ENPP3: variants seen among roughly 807,000 people sequenced by gnomAD.
ENPP3 encodes ectonucleotide pyrophosphatase/phosphodiesterase family member 3.
A neutral mutation model predicts 117.8 loss-of-function variants in ENPP3; 104 were observed. That is an observed-to-expected ratio of 0.88 (90% CI 0.75 to 1.04). The LOEUF (loss-of-function observed/expected upper bound fraction) is 1.04. Ranked by LOEUF, ENPP3 falls within the 50% of genes least tolerant of loss-of-function variation. ENPP3 has a pLI of 0.00. For synonymous variants in ENPP3, 380 were observed against 349.9 expected, an observed-to-expected ratio of 1.09 and a Z score of -0.96; for missense variants, 1,026 against 1,051.9, an observed-to-expected ratio of 0.98 and a Z score of 0.34.
intron 18 of ENPP3, 74 bp downstream of exon 18, chr6:131,722,479 G>T (rs1780057837): frequency 8.2e-7 from 1 of 1,221,866 alleles, no homozygotes; most frequent in African/African-American, 1.5e-5. Context: ...CTGACAACTG[G>T]GGTAGCAACA....
chr6:131,652,908 C>T lies in ENPP3; in HGVS notation c.464+17C>T. ...CCCAGAAGGGTGAGCATGACTGATA[C>T]AGGGATTTTTATCCTCCTTTAACAA... On this transcript the variant is annotated intron_variant, in intron 5 of 24. Transcript: ENST00000357639. The T allele has an allele frequency of 1.9e-6, 3 of 1,578,094 alleles. No individual in the cohort carries two copies. In the South Asian group the frequency reaches 3.3e-5, roughly 18 times the overall value.
intron 5 of ENPP3, among the ~76,000 whole-genome samples, chr6:131,655,920 G>A (rs932072995): frequency 1.3e-5 from 2 of 152,122 alleles, no homozygotes; most frequent in Non-Finnish European, 1.5e-5. Flanking sequence ...AGTCATTCCT[G>A]CCTATACCTT....
At chr6:131,682,366 C>T (rs1779040899) in intron 11 of ENPP3, among the ~76,000 whole-genome samples, 1 of 151,908 alleles carries the variant, frequency 6.6e-6, no homozygotes, top group Admixed American at 6.6e-5. Flanking sequence ...TGATGGTGTC[C>T]ACCTGTGGTG....
At chr6:131,734,950 T>G (rs1013348941) in intron 21 of ENPP3, among the ~76,000 whole-genome samples, 8 of 151,996 alleles carry the variant, frequency 5.3e-5, no homozygotes, top group Non-Finnish European at 8.8e-5. Context: ...ATTTGAAATT[T>G]GTGTATAAAA....
In ENPP3 at chr6:131,722,306, G is replaced by C; in HGVS notation, c.1647G>C (p.Glu549Asp). 1 of 1,613,960 alleles carries C rather than the reference G, an allele frequency of 6.2e-7. No individual in the cohort carries two copies. The highest frequency in any genetic ancestry group is 8.5e-7 in the Non-Finnish European group (1 of 1,179,884). ...ATCTTCTGAAGGTGCCTTTTTATGA[G>C]CCATCCCATGCAGAGGAGGTGTCAA... ...LNHLLKVPFY[E>D]PSHAEEVSKF... Residue 549 changes from glutamate (E) to aspartate (D), a missense_variant, in exon 18 of 25, where the codon GAG becomes GAC. Coordinates refer to ENST00000357639, the MANE Select transcript of ENPP3 (RefSeq NM_005021.5).
chr6:131,640,111 A>G (rs778601838), intron 1 of ENPP3, among the ~76,000 whole-genome samples: 1 of 152,238 alleles, frequency 6.6e-6, no homozygotes, highest in African/African-American at 2.4e-5. Flanking sequence ...GTTTTAAAGC[A>G]TCTTAAGAAC....
At chr6:131,648,849 C>T (rs1305356963) in intron 2 of ENPP3, among the ~76,000 whole-genome samples, 4 of 152,204 alleles carry the variant, frequency 2.6e-5, no homozygotes, top group African/African-American at 7.2e-5. Flanking sequence ...ATAAGAACTA[C>T]AGAATTCCCA....
intron 2 of ENPP3, among the ~76,000 whole-genome samples, chr6:131,646,879 A>G (rs1322502847): frequency 6.7e-6 from 1 of 149,166 alleles, no homozygotes; most frequent in Non-Finnish European, 1.5e-5. Flanking sequence ...TAGAGTATTC[A>G]TATACTTTTA....
At chr6:131,679,954 C>T (rs993914049) in intron 11 of ENPP3, among the ~76,000 whole-genome samples, 1 of 152,182 alleles carries the variant, frequency 6.6e-6, no homozygotes, top group African/African-American at 2.4e-5. Context: ...TAAGAGGAAG[C>T]CCAGAGAAGG....
chr6:131,723,531 C>T (rs1452284437), intron 18 of ENPP3, among the ~76,000 whole-genome samples: 28 of 152,154 alleles, frequency 1.8e-4, no homozygotes, highest in Admixed American at 1.5e-3. Flanking sequence ...TATCTGGCTG[C>T]AAACCCCAAG....
intron 6 of ENPP3, among the ~76,000 whole-genome samples, chr6:131,660,693 A>G (rs753949009): frequency 3.3e-5 from 5 of 152,212 alleles, no homozygotes; most frequent in Non-Finnish European, 7.3e-5. Context: ...TATACTGGCC[A>G]TAGCAGATGT....
At chr6:131,729,646 G>C (rs967150280) in intron 20 of ENPP3, among the ~76,000 whole-genome samples, 26 of 151,792 alleles carry the variant, frequency 1.7e-4, no homozygotes, top group African/African-American at 5.1e-4. Flanking sequence ...TGTGTTGGAG[G>C]CGGGGTGGTG....
At chr6:131,638,672 G>A (rs979548863) in intron 1 of ENPP3, 7 of 255,994 alleles carry the variant, frequency 2.7e-5, no homozygotes, top group African/African-American at 1.2e-4. Context: ...TGATCTACCT[G>A]CCTCGGCCTC....
intron 15 of ENPP3, chr6:131,700,512 T>G (rs748256547): frequency 1.5e-6 from 2 of 1,300,614 alleles, no homozygotes; most frequent in Admixed American, 4.6e-5. Flanking sequence ...CAAAGTATTC[T>G]TCACTTCTGA....
intron 17 of ENPP3, among the ~76,000 whole-genome samples, chr6:131,721,552 T>C (rs938785461): frequency 6.7e-6 from 1 of 149,210 alleles, no homozygotes; most frequent in Non-Finnish European, 1.5e-5. Flanking sequence ...GTATGTTTCA[T>C]AGAAACATAC....
At position 131,685,485 on chromosome 6, in the gene ENPP3, CT is replaced by C. The variant is rs1404925192; in HGVS notation, c.1248del (p.Phe416LeufsTer25). Reference sequence around the variant, plus strand: ...TCCGAGCTCATAATATACCTCATGACTTTTTTAGTTGTAAGTATGAAGACAC... The same window carrying C: ...TCCGAGCTCATAATATACCTCATGACTTTTTAGTTGTAAGTATGAAGACAC... ...RIRAHNIPHD[F>X]FSFNSEEIVR... On this transcript the variant is annotated frameshift_variant, in exon 13 of 25. Transcript: ENST00000357639. LOFTEE classifies it high-confidence loss of function. 6.2e-7 allele frequency: 1 copy of C among 1,613,392 alleles called. No homozygotes were observed. The highest frequency in any genetic ancestry group is 1.7e-5 in the Admixed American group (1 of 59,924).
Position 131,708,612 on chromosome 6 carries a change from T to C in ENPP3, c.1413-10060T>C, listed in dbSNP as rs1310258327. ...GCAACAATATTGTCAGGTGTCTTGC[T>C]GTGGTTCTGGATGTCCAGTAGCAGG... On this transcript the variant is annotated intron_variant, in intron 15 of 24. Transcript: ENST00000357639. 16 of 1,559,234 alleles carry C rather than the reference T, an allele frequency of 1.0e-5. 2 individuals are homozygous for C. Among genetic ancestry groups the C allele is most frequent in the Admixed American group, 1.9e-5 (1 of 53,700 alleles).
Position 131,733,594 on chromosome 6 carries a change from A to C in ENPP3, c.1960A>C (p.Thr654Pro). 1 of 1,612,830 alleles carries C rather than the reference A, an allele frequency of 6.2e-7. No homozygotes were observed. Among genetic ancestry groups the C allele is most frequent in the South Asian group, 1.1e-5 (1 of 90,904 alleles). Reference protein sequence around the residue: ...SSYTVPQLGDTSPLPPTVPDC... With the variant: ...SSYTVPQLGDPSPLPPTVPDC... ...TCTCTCTCTCTTTGAACAGGGAGAC[A>C]CATCGCCTCTGCCTCCCACTGTCCC... The change falls in exon 21 of 25, where the codon ACA (threonine) becomes CCA (proline). Residue 654 changes from threonine (T) to proline (P), a missense_variant. Transcript: ENST00000357639.
intron 18 of ENPP3, among the ~76,000 whole-genome samples, chr6:131,723,823 T>TCACACA (rs1429717327): frequency 1.4e-5 from 2 of 143,078 alleles, no homozygotes; most frequent in Admixed American, 6.9e-5. Flanking sequence ...TCTCTCTCTC[T>TCACACA]CTCTCACACA....
Sources: allele counts gnomAD v4.1 joint callset (sites outside exome capture counted in the v4.1 genomes callset), GRCh38; gene constraint gnomAD v4.1.1; transcripts MANE v1.5; gene names NCBI Gene and HGNC (gene_info 2026-07-23, HGNC 2026-07-21).